The following ROR1 variants were observed in gnomAD, a reference collection of about 807,000 sequenced individuals.
ROR1 encodes the protein inactive tyrosine-protein kinase transmembrane receptor ROR1.
A neutral mutation model predicts 78.8 loss-of-function variants in ROR1; 19 were observed. The observed-to-expected ratio is 0.24, with a 90% CI of 0.17 to 0.35. ROR1 has a LOEUF of 0.35. Ranked by LOEUF, ROR1 falls within the 10% of genes least tolerant of loss-of-function variation. ROR1 has a pLI of 1.00. For missense variants in ROR1, 917 were observed against 1,177.8 expected, an observed-to-expected ratio of 0.78 and a Z score of 3.24; for synonymous variants, 386 against 433.6, an observed-to-expected ratio of 0.89 and a Z score of 1.36.
chr1:64,101,945 T>C (rs1373581519), intron 4 of ROR1, among the ~76,000 whole-genome samples: 1 of 152,166 alleles, frequency 6.6e-6, no homozygotes, highest in East Asian at 1.9e-4. Context: ...AATTGTCATC[T>C]CCTTTCAACT....
chr1:64,041,445 T>C (rs552398778), intron 2 of ROR1, among the ~76,000 whole-genome samples: 1 of 152,324 alleles, frequency 6.6e-6, no homozygotes. Context: ...AAAAGACCTA[T>C]TCATTAAAAT....
chr1:63,817,226 T>G (rs1569762864), intron 1 of ROR1, among the ~76,000 whole-genome samples: 1 of 152,082 alleles, frequency 6.6e-6, no homozygotes, highest in Admixed American at 6.6e-5. Context: ...CTGCCTGAGG[T>G]TTCAGCAGTT....
intron 4 of ROR1, among the ~76,000 whole-genome samples, chr1:64,083,129 G>T (rs530087907): frequency 6.6e-6 from 1 of 152,190 alleles, no homozygotes; most frequent in African/African-American, 2.4e-5. Flanking sequence ...GTCATAATTG[G>T]GAAAGAGTAC....
intron 5 of ROR1, 74 bp downstream of exon 5, chr1:64,137,570 T>G: frequency 6.9e-7 from 1 of 1,446,326 alleles, no homozygotes; most frequent in Non-Finnish European, 9.5e-7. Flanking sequence ...ATTGAGCTCC[T>G]CTCTTGACAA....
At chr1:64,084,132 A>T (rs945290789) in intron 4 of ROR1, among the ~76,000 whole-genome samples, 1 of 152,258 alleles carries the variant, frequency 6.6e-6, no homozygotes, top group Non-Finnish European at 1.5e-5. Flanking sequence ...ATCATAGAAA[A>T]GGAACTAGTA....
intron 1 of ROR1, among the ~76,000 whole-genome samples, chr1:63,860,588 C>CACACACACAT (rs527388019): frequency 0.024 from 3,434 of 145,456 alleles, 110 homozygotes; most frequent in South Asian, 0.075. Context: ...CACACACACA[C>CACACACACAT]ACACACACAC....
chr1:64,061,707 C>T (rs1569656969), intron 4 of ROR1, among the ~76,000 whole-genome samples: 1 of 152,194 alleles, frequency 6.6e-6, no homozygotes, highest in Non-Finnish European at 1.5e-5. Context: ...TGCTAGTTCA[C>T]TAGCCAGTGA....
intron 4 of ROR1, among the ~76,000 whole-genome samples, chr1:64,095,555 G>T (rs1647276115): frequency 6.6e-6 from 1 of 152,130 alleles, no homozygotes; most frequent in Admixed American, 6.6e-5. Context: ...GGAGGTTCCT[G>T]GGTGCCATAA....
At chr1:63,962,745 T>A (rs1257674931) in intron 1 of ROR1, among the ~76,000 whole-genome samples, 1 of 152,128 alleles carries the variant, frequency 6.6e-6, no homozygotes, top group East Asian at 1.9e-4. Flanking sequence ...TGGGAGATGA[T>A]GCTAGGTGAG....
At chr1:64,083,531 G>GTT (rs1647121536) in intron 4 of ROR1, among the ~76,000 whole-genome samples, 1 of 144,816 alleles carries the variant, frequency 6.9e-6, no homozygotes, top group Non-Finnish European at 1.5e-5. Flanking sequence ...GATTGAGTGT[G>GTT]TGTGTTTTAG....
At chr1:63,889,913 A>G (rs547794208) in intron 1 of ROR1, among the ~76,000 whole-genome samples, 1 of 152,286 alleles carries the variant, frequency 6.6e-6, no homozygotes, top group South Asian at 2.1e-4. Flanking sequence ...AAGGATACTA[A>G]TAAACCATGT....
intron 1 of ROR1, among the ~76,000 whole-genome samples, chr1:64,003,796 C>T (rs936794596): frequency 2.0e-5 from 3 of 152,220 alleles, no homozygotes; most frequent in Non-Finnish European, 2.9e-5. Flanking sequence ...TGGCTATGGG[C>T]GTCTCCATTG....
chr1:64,064,917 G>A (rs1024540188), intron 4 of ROR1, among the ~76,000 whole-genome samples: 1 of 152,086 alleles, frequency 6.6e-6, no homozygotes, highest in Non-Finnish European at 1.5e-5. Flanking sequence ...CCATCTAATA[G>A]CTTTGACTAG....
intron 1 of ROR1, among the ~76,000 whole-genome samples, chr1:63,896,974 A>G (rs1645445134): frequency 6.6e-6 from 1 of 152,200 alleles, no homozygotes; most frequent in Non-Finnish European, 1.5e-5. Flanking sequence ...GTGTCAAATG[A>G]AGTAATAGGT....
intron 4 of ROR1, among the ~76,000 whole-genome samples, chr1:64,068,332 A>G (rs1217139229): frequency 2.0e-5 from 3 of 152,114 alleles, no homozygotes; most frequent in Non-Finnish European, 4.4e-5. Context: ...TGTAAATCAT[A>G]TTGCCATTTT....
chr1:63,978,847 G>A (rs1425299722), intron 1 of ROR1, among the ~76,000 whole-genome samples: 1 of 152,206 alleles, frequency 6.6e-6, no homozygotes, highest in East Asian at 1.9e-4. Context: ...CACTTATGGA[G>A]CCTGGAAAAT....
intron 2 of ROR1, among the ~76,000 whole-genome samples, chr1:64,026,867 G>A (rs1244720483): frequency 6.6e-6 from 1 of 152,088 alleles, no homozygotes; most frequent in Non-Finnish European, 1.5e-5. Context: ...GGGATTATGG[G>A]GATTACAATT....
chr1:63,851,284 TG>T (rs1252309577), intron 1 of ROR1, among the ~76,000 whole-genome samples: 2 of 152,216 alleles, frequency 1.3e-5, no homozygotes, highest in Non-Finnish European at 2.9e-5. Flanking sequence ...GGCCGCTTTT[TG>T]GGTTTTAATG....
intron 1 of ROR1, chr1:63,775,459 C>T (rs1213862166): frequency 6.6e-6 from 1 of 152,122 alleles, no homozygotes; most frequent in Non-Finnish European, 1.5e-5. Context: ...TCTCGGGCCT[C>T]ACTTTTAACA....
Sources: allele counts gnomAD v4.1 joint callset (sites outside exome capture counted in the v4.1 genomes callset), GRCh38; gene constraint gnomAD v4.1.1; transcripts MANE v1.5; gene names NCBI Gene and HGNC (gene_info 2026-07-23, HGNC 2026-07-21).